CTNNA3: variants seen among roughly 807,000 people sequenced by gnomAD.
The protein encoded by CTNNA3 is catenin alpha-3.
Under a neutral mutation model 95.7 loss-of-function variants are expected in CTNNA3, and 76 were observed. The ratio of observed to expected loss-of-function variants is 0.79; its 90% CI spans 0.66 to 0.96. The LOEUF is 0.96. Ranked by LOEUF, CTNNA3 falls within the 40% of genes least tolerant of loss-of-function variation. CTNNA3 has a pLI of 0.00. For synonymous variants in CTNNA3, 431 were observed against 374.4 expected, an observed-to-expected ratio of 1.15 and a Z score of -1.74; for missense variants, 1,191 against 1,089.8, an observed-to-expected ratio of 1.09 and a Z score of -1.31.
At chr10:66,550,646 T>C (rs1842186625) in intron 10 of CTNNA3, among the ~76,000 whole-genome samples, 1 of 152,216 alleles carries the variant, frequency 6.6e-6, no homozygotes, top group Non-Finnish European at 1.5e-5. Flanking sequence ...CTGTAATTAC[T>C]GATGTGGATA....
At chr10:66,451,817 A>G (rs1013256957) in intron 11 of CTNNA3, among the ~76,000 whole-genome samples, 8 of 152,224 alleles carry the variant, frequency 5.3e-5, no homozygotes, top group Non-Finnish European at 1.0e-4. Context: ...TTACCATGTC[A>G]TAAAGCAAAT....
chr10:66,534,554 T>C (rs940473323), intron 10 of CTNNA3, among the ~76,000 whole-genome samples: 11 of 149,470 alleles, frequency 7.4e-5, no homozygotes, highest in Admixed American at 1.3e-4. Flanking sequence ...TTTATGTTTA[T>C]ATATATAAAA....
intron 5 of CTNNA3, among the ~76,000 whole-genome samples, chr10:67,498,051 G>A (rs1252037666): frequency 6.6e-6 from 1 of 152,036 alleles, no homozygotes; most frequent in Non-Finnish European, 1.5e-5. Context: ...TTTCTTCTAG[G>A]GTTTCTATGG....
At chr10:65,924,891 C>T (rs1287149495) in intron 17 of CTNNA3, among the ~76,000 whole-genome samples, 6 of 152,116 alleles carry the variant, frequency 3.9e-5, no homozygotes, top group African/African-American at 1.4e-4. Flanking sequence ...AGAGTGTGTG[C>T]AGAGGAACTG....
intron 11 of CTNNA3, among the ~76,000 whole-genome samples, chr10:66,388,129 T>A (rs1468670673): frequency 6.6e-6 from 1 of 152,052 alleles, no homozygotes; most frequent in African/African-American, 2.4e-5. Context: ...TTTTCAAGTA[T>A]ATTGGCAAGG....
chr10:66,121,466 A>C (rs112494227), intron 13 of CTNNA3, among the ~76,000 whole-genome samples: 4,093 of 151,486 alleles, frequency 0.027, 84 homozygotes, highest in Non-Finnish European at 0.043. Context: ...TACAACATAC[A>C]TACACACACA....
chr10:66,875,445 A>T (rs2132451914), intron 7 of CTNNA3, among the ~76,000 whole-genome samples: 1 of 152,124 alleles, frequency 6.6e-6, no homozygotes, highest in African/African-American at 2.4e-5. Context: ...CAGGGAAAAT[A>T]TCAGTCAACC....
chr10:67,220,657 A>T (rs1050584833), intron 5 of CTNNA3, among the ~76,000 whole-genome samples: 25 of 152,254 alleles, frequency 1.6e-4, no homozygotes, highest in Non-Finnish European at 3.5e-4. Context: ...ATTTCTTCAG[A>T]GATGACAATT....
rs1014972448 is a variant in CTNNA3 at position 66,209,408 on chromosome 10, A to G, written c.1884+71062T>C. On this transcript the variant is annotated intron_variant, in intron 13 of 17. Transcript: ENST00000433211. ...AGATGGGAGTCAGTTACAATTTTAA[A>G]TAGGGAACCTAAGGTACATCTCAAT... Among the ~76,000 whole-genome samples the G allele has an allele frequency of 3.9e-5, 6 of 152,198 alleles. 1 individual carries two copies. Among genetic ancestry groups the G allele is most frequent in the Admixed American group, 3.9e-4 (6 of 15,262 alleles).
At chr10:66,058,825 A>T (rs892574915) in intron 15 of CTNNA3, among the ~76,000 whole-genome samples, 5 of 152,160 alleles carry the variant, frequency 3.3e-5, no homozygotes, top group Non-Finnish European at 5.9e-5. Flanking sequence ...ACTGGCTGTG[A>T]TATTAAGTAA....
chr10:66,407,351 A>G (rs1361349054), intron 11 of CTNNA3, among the ~76,000 whole-genome samples: 2 of 150,436 alleles, frequency 1.3e-5, no homozygotes, highest in Non-Finnish European at 2.9e-5. Context: ...AAAGCAGCCT[A>G]TGTGAATATC....
chr10:67,753,096 A>G (rs1166761908), intron 1 of CTNNA3, among the ~76,000 whole-genome samples: 1 of 152,188 alleles, frequency 6.6e-6, no homozygotes, highest in East Asian at 1.9e-4. Flanking sequence ...AGTAACCAAA[A>G]CAGCATGGAA....
intron 8 of CTNNA3, among the ~76,000 whole-genome samples, chr10:66,773,488 C>A (rs570560490): frequency 4.3e-4 from 65 of 152,214 alleles, no homozygotes; most frequent in African/African-American, 1.5e-3. Flanking sequence ...GGCACCGTAT[C>A]GAGAGAGGGA....
chr10:67,432,834 G>A (rs536251644), intron 5 of CTNNA3, among the ~76,000 whole-genome samples: 6 of 152,164 alleles, frequency 3.9e-5, no homozygotes, highest in East Asian at 3.9e-4. Flanking sequence ...ACGATCATGA[G>A]AGATATAGTT....
At chr10:66,290,375 G>T (rs927143846) in intron 12 of CTNNA3, among the ~76,000 whole-genome samples, 3 of 151,988 alleles carry the variant, frequency 2.0e-5, no homozygotes, top group African/African-American at 7.2e-5. Context: ...AGGCAAAAAT[G>T]AAGCAATGGG....
At chr10:66,466,911 A>T (rs986667013) in intron 11 of CTNNA3, among the ~76,000 whole-genome samples, 3 of 152,064 alleles carry the variant, frequency 2.0e-5, no homozygotes, top group Admixed American at 6.6e-5. Context: ...TCTTCATGGC[A>T]TTCATTACTA....
intron 7 of CTNNA3, among the ~76,000 whole-genome samples, chr10:67,147,113 C>A (rs1860885803): frequency 6.6e-6 from 1 of 152,204 alleles, no homozygotes; most frequent in Non-Finnish European, 1.5e-5. Context: ...ACATCCACCT[C>A]TTTCTACATT....
chr10:67,142,587 TA>T (rs1219115108), intron 7 of CTNNA3, among the ~76,000 whole-genome samples: 1 of 152,198 alleles, frequency 6.6e-6, no homozygotes, highest in African/African-American at 2.4e-5. Flanking sequence ...TACTGTAGCC[TA>T]TTAAGTGTGC....
chr10:65,930,998 T>C (rs1466542583), intron 17 of CTNNA3, among the ~76,000 whole-genome samples: 1 of 152,242 alleles, frequency 6.6e-6, no homozygotes, highest in Non-Finnish European at 1.5e-5. Context: ...AAATAAAACA[T>C]CAGCTTCTCT....
Sources: allele counts gnomAD v4.1 joint callset (sites outside exome capture counted in the v4.1 genomes callset), GRCh38; gene constraint gnomAD v4.1.1; transcripts MANE v1.5; gene names NCBI Gene and HGNC (gene_info 2026-07-23, HGNC 2026-07-21).